The following SLC24A1 variants were observed in gnomAD, a reference collection of about 807,000 sequenced individuals.
SLC24A1 encodes the protein solute carrier family 24 member 1.
In SLC24A1, 52 loss-of-function variants were observed where a neutral mutation model predicts 88.1. The ratio of observed to expected loss-of-function variants is 0.59; its 90% confidence interval spans 0.47 to 0.74. SLC24A1 has a LOEUF of 0.74. Among genes scored for constraint, SLC24A1 ranks in the 30% least tolerant of loss-of-function variants. SLC24A1 has a pLI of 0.00. For missense variants in SLC24A1, 1,173 were observed against 1,363.3 expected (o/e 0.86, Z 2.20); for synonymous variants, 455 against 498.0 (o/e 0.91, Z 1.15).
At chr15:65,644,310 C>G (rs2075231538) in intron 4 of SLC24A1, 117 bp from the exon 5 acceptor site, 3 of 750,488 alleles carry the variant, frequency 4.0e-6, no homozygotes, top group Non-Finnish European at 7.2e-6. Flanking sequence ...CCATGGCAGC[C>G]TTTTCCCACA....
intron 2 of SLC24A1, among the ~76,000 whole-genome samples, chr15:65,614,939 C>CTTAT (rs2074088166): frequency 6.6e-6 from 1 of 152,172 alleles, no homozygotes; most frequent in African/African-American, 2.4e-5. Context: ...TTGAAAAGTG[C>CTTAT]TATAAAGGCC....
At position 65,638,113 on chromosome 15, in the gene SLC24A1, T is replaced by C. The variant is rs2141592863; in HGVS notation, c.1891-15T>C. The C allele has an allele frequency of 3.7e-6, 6 of 1,601,328 alleles. No individual in the cohort carries two copies. The highest frequency in any genetic ancestry group is 5.1e-6 in the Non-Finnish European group (6 of 1,171,712). ...TCTCGCCACAACATCTCGTGACTCC[T>C]CTCCCTGTTTGCAGCCGGGCGATGG... On this transcript the variant is annotated splice_polypyrimidine_tract_variant and intron_variant, in intron 2 of 9. Transcript: ENST00000261892.
intron 8 of SLC24A1, 34 bp downstream of exon 8, chr15:65,651,793 G>T: frequency 4.4e-6 from 5 of 1,125,008 alleles, no homozygotes; most frequent in Middle Eastern, 2.0e-4. Context: ...TCCTCTACCA[G>T]CAGGTCCCAA....
Position 65,624,138 on chromosome 15 carries a change from C to G in SLC24A1, c.58C>G (p.Leu20Val), listed in dbSNP as rs767494304. ...GAGGTGGTTACTCCGGACAAAGCGG[C>G]TTCATTGGAGTCGCCTCCTCTTCTT... Reference protein sequence around the residue: ...QERWLLRTKRLHWSRLLFLLG... With the variant: ...QERWLLRTKRVHWSRLLFLLG... The change falls in exon 2 of 10, where the codon CTT becomes GTT. Residue 20 changes from leucine (L) to valine (V), a missense_variant. Leu to Val is a conservative substitution (Grantham distance 32). Coordinates refer to ENST00000261892, the MANE Select transcript of SLC24A1 (RefSeq NM_004727.3). The G allele has an allele frequency of 6.2e-7, 1 of 1,613,300 alleles. No individual in the cohort carries two copies.
At position 65,624,406 on chromosome 15, in the gene SLC24A1, A is replaced by G. The variant is rs1379714395; in HGVS notation, c.326A>G (p.Glu109Gly). 1.9e-6 allele frequency: 3 copies of G among 1,613,538 alleles called. No homozygotes were observed. The highest frequency in any genetic ancestry group is 4.5e-5 in the East Asian group (2 of 44,872). ...SDEATLSMTV[E>G]NIPSMPKRTA... Reference sequence around the variant, plus strand: ...GAAGCAACACTGAGCATGACAGTGGAGAATATCCCCAGTATGCCTAAAAGA... The same window carrying G: ...GAAGCAACACTGAGCATGACAGTGGGGAATATCCCCAGTATGCCTAAAAGA... The change falls in exon 2 of 10, where the codon GAG becomes GGG. Residue 109 changes from glutamate (E) to glycine (G), a missense_variant. Glu to Gly is a moderately conservative substitution (Grantham distance 98). Transcript: ENST00000261892.
rs891994781 is a variant in SLC24A1 at position 65,644,592 on chromosome 15, G to C, written c.2140+79G>C. 7.9e-6 allele frequency: 8 copies of C among 1,012,128 alleles called. No homozygotes were observed. The African/African-American group carries it at 1.3e-4, about 16-fold the overall frequency. 62.7% of individuals were successfully genotyped at this position (1,012,128 alleles called of 1,614,324 possible). On this transcript the variant is annotated intron_variant, in intron 5 of 9. Transcript: ENST00000261892. The stretch of plus-strand genomic sequence containing the variant: ...CAGTAGTGAGCTTGGCCTGGAGGCA[G>C]CAGCCAGCCAGGCCAGGGGCTGAGG...
chr15:65,646,959 T>C (rs1275461922), intron 6 of SLC24A1, among the ~76,000 whole-genome samples: 2 of 152,188 alleles, frequency 1.3e-5, no homozygotes, highest in Non-Finnish European at 2.9e-5. Context: ...AAGCTTGATC[T>C]CATGAAGAGC....
chr15:65,626,004 C>G (rs1447748619), intron 2 of SLC24A1, 34 bp downstream of exon 2: 1 of 1,497,500 alleles, frequency 6.7e-7, no homozygotes, highest in Non-Finnish European at 9.3e-7. Context: ...TCTCTAGCCC[C>G]TTTGAGATGA....
chr15:65,611,442 T>G, exon 1 of SLC24A1: 3 of 517,802 alleles, frequency 5.8e-6, no homozygotes, highest in Non-Finnish European at 1.1e-5. Flanking sequence ...GGCTCTTTCC[T>G]TCCCCTTCTG....
At chr15:65,620,101 ATAT>A (rs2074272496), upstream of SLC24A1, among the ~76,000 whole-genome samples, 1 of 150,260 alleles carries the variant, frequency 6.7e-6, no homozygotes, top group South Asian at 2.1e-4. Flanking sequence ...TTTATTTATA[ATAT>A]TAATAAATAA....
intron 2 of SLC24A1, among the ~76,000 whole-genome samples, chr15:65,632,906 A>G (rs970406689): frequency 2.6e-5 from 4 of 152,256 alleles, no homozygotes; most frequent in African/African-American, 7.2e-5. Flanking sequence ...CATCATCTCC[A>G]TGGTAAATCC....
At chr15:65,660,694 T>A (rs2075822707), downstream of SLC24A1, 1 of 159,502 alleles carries the variant, frequency 6.3e-6, no homozygotes, top group Admixed American at 6.4e-5. Context: ...GTATTTTAGA[T>A]TCTACAGACT....
At position 65,650,217 on chromosome 15, in the gene SLC24A1, G is replaced by A. The variant is rs2075449136; in HGVS notation, c.2233-165G>A. Among the ~76,000 whole-genome samples, 1 of 152,192 alleles carries A rather than the reference G, an allele frequency of 6.6e-6. No homozygotes were observed. On this transcript the variant is annotated intron_variant, in intron 6 of 9. Transcript: ENST00000261892. This position sits in a 1 kb window ranked among gnomAD's most constrained non-coding sequence, Gnocchi z 4.1. The stretch of plus-strand genomic sequence containing the variant: ...TAAAAGCTGGACAGCCACTAGGTAG[G>A]AGTGTGGTCATGGGAATTCTGCTGA...
chr15:65,647,475 C>CA (rs199501932), intron 6 of SLC24A1, among the ~76,000 whole-genome samples: 1,897 of 80,544 alleles, frequency 0.024, 36 homozygotes, highest in African/African-American at 0.027. Context: ...GAGACTGTCT[C>CA]AAAAAAAAAA....
At chr15:65,614,468 A>G (rs1246129226) in intron 2 of SLC24A1, among the ~76,000 whole-genome samples, 2 of 152,202 alleles carry the variant, frequency 1.3e-5, no homozygotes, top group Non-Finnish European at 2.9e-5. Context: ...GATCCAAGTA[A>G]GATCCAGATA....
chr15:65,641,381 C>T (rs1313842991), intron 4 of SLC24A1, among the ~76,000 whole-genome samples: 20 of 149,864 alleles, frequency 1.3e-4, no homozygotes, highest in African/African-American at 4.5e-4. Context: ...AACAAACAAA[C>T]AAATAAATAA....
intron 2 of SLC24A1, among the ~76,000 whole-genome samples, chr15:65,634,176 C>A (rs2074827209): frequency 6.6e-6 from 1 of 151,458 alleles, no homozygotes; most frequent in Non-Finnish European, 1.5e-5. Context: ...AGGGCTCGGA[C>A]AAGGGATTCA....
intron 4 of SLC24A1, chr15:65,643,037 A>C (rs2141634999): frequency 1.6e-6 from 2 of 1,288,964 alleles, no homozygotes; most frequent in South Asian, 2.5e-5. Flanking sequence ...TACTCTTGTC[A>C]ATTTGTTTTC....
At chr15:65,638,051 C>T in intron 2 of SLC24A1, 77 bp from the exon 3 acceptor site, 2 of 1,009,476 alleles carry the variant, frequency 2.0e-6, no homozygotes, top group South Asian at 2.7e-5. Flanking sequence ...AACCTGAGGA[C>T]TTCCGTGGAG....
Sources: allele counts gnomAD v4.1 joint callset (sites outside exome capture counted in the v4.1 genomes callset), GRCh38; gene constraint gnomAD v4.1.1; non-coding constraint Gnocchi (gnomAD v3.1); transcripts MANE v1.5; gene names NCBI Gene and HGNC (gene_info 2026-07-23, HGNC 2026-07-21).